NARS2: variants seen among roughly 807,000 people sequenced by gnomAD.
The protein encoded by NARS2 is asparaginyl-tRNA synthetase 2, mitochondrial.
In NARS2, 60 loss-of-function variants were observed where a neutral mutation model predicts 62.9. The observed-to-expected ratio is 0.95, with a 90% CI of 0.77 to 1.18. The LOEUF (loss-of-function observed/expected upper bound fraction) is 1.18. NARS2 is among the 50% of genes most tolerant of loss of function. The pLI, the probability that NARS2 is intolerant of heterozygous loss-of-function variation, is 0.00. For synonymous variants in NARS2, 196 were observed against 200.0 expected, an observed-to-expected ratio of 0.98 and a Z score of 0.17; for missense variants, 619 against 576.4, an observed-to-expected ratio of 1.07 and a Z score of -0.76.
At chr11:78,440,213 G>A (rs1206488079) in intron 13 of NARS2, among the ~76,000 whole-genome samples, 2 of 152,022 alleles carry the variant, frequency 1.3e-5, no homozygotes, top group African/African-American at 4.8e-5. Context: ...ACAGGCACAC[G>A]CCACCATGCC....
At chr11:78,526,359 T>A (rs1053178426) in intron 6 of NARS2, among the ~76,000 whole-genome samples, 2 of 152,168 alleles carry the variant, frequency 1.3e-5, no homozygotes, top group African/African-American at 4.8e-5. Context: ...ACTGTCTAAA[T>A]TTAACTACCA....
intron 2 of NARS2, among the ~76,000 whole-genome samples, chr11:78,569,949 G>A (rs567154669): frequency 2.0e-5 from 3 of 152,302 alleles, no homozygotes; most frequent in African/African-American, 7.2e-5. Flanking sequence ...AGCACCTTGG[G>A]AGGCTGAGGC....
chr11:78,559,548 A>T lies in NARS2; in HGVS notation c.585T>A (p.Phe195Leu). Reference protein sequence around the residue: ...SNDSEGAGELFQLEPSGKLKV... With the variant: ...SNDSEGAGELLQLEPSGKLKV... The stretch of plus-strand genomic sequence containing the variant: ...GGGAAGCAAAACTTACTTCAAGTTG[A>T]AAAAGTTCTCCAGCTCCCTCAGAGT... The change falls in exon 5 of 14, where the codon TTT becomes TTA. Residue 195 changes from phenylalanine to leucine, a missense_variant. Physicochemically the swap from Phe to Leu is conservative, Grantham distance 22. Coordinates refer to ENST00000281038, the MANE Select transcript of NARS2 (RefSeq NM_024678.6). 6.2e-7 allele frequency: 1 copy of T among 1,608,880 alleles called. No homozygotes were observed. Among genetic ancestry groups the T allele is most frequent in the Non-Finnish European group, 8.5e-7 (1 of 1,175,654 alleles).
rs149790424 is a variant in NARS2, at chr11:78,491,292, T to C, written c.822+1771A>G. 1.9e-3 allele frequency among the ~76,000 whole-genome samples: 290 copies of C among 152,312 alleles called. 1 individual carries two copies. The highest frequency in any genetic ancestry group is 6.7e-3 in the African/African-American group (279 of 41,584). ...CTCTCCCCCTTCCCTGCCCATTCCC[T>C]AATAGGGATAACCAAAAATGTCCCA... is the stretch of plus-strand genomic sequence containing the variant. On this transcript the variant is annotated intron_variant, in intron 7 of 13. Transcript: ENST00000281038.
intron 5 of NARS2, among the ~76,000 whole-genome samples, chr11:78,549,698 A>T (rs1045403096): frequency 1.3e-5 from 2 of 152,182 alleles, no homozygotes; most frequent in African/African-American, 4.8e-5. Context: ...ACAATAGCAC[A>T]ATCAGTCTGC....
chr11:78,545,542 T>G (rs1037557287), intron 5 of NARS2, among the ~76,000 whole-genome samples: 3 of 149,892 alleles, frequency 2.0e-5, no homozygotes, highest in Admixed American at 1.3e-4. Flanking sequence ...TTTTTTTTTT[T>G]GAGACAGAGT....
At chr11:78,446,825 A>G (rs563435481) in intron 11 of NARS2, among the ~76,000 whole-genome samples, 2 of 152,286 alleles carry the variant, frequency 1.3e-5, no homozygotes, top group African/African-American at 4.8e-5. Context: ...CAGACAACCA[A>G]TGCAAAACCA....
chr11:78,573,444 G>A (rs945474996), intron 1 of NARS2: 6 of 152,250 alleles, frequency 3.9e-5, no homozygotes, highest in African/African-American at 1.4e-4. Context: ...GCCGAGGCAG[G>A]AGGATTGCTT....
At chr11:78,523,532 T>G (rs1861200581) in intron 6 of NARS2, among the ~76,000 whole-genome samples, 1 of 152,198 alleles carries the variant, frequency 6.6e-6, no homozygotes, top group African/African-American at 2.4e-5. Context: ...ACAGCAACAT[T>G]ACTTACAAGA....
At chr11:78,505,478 C>G (rs115557344) in intron 6 of NARS2, among the ~76,000 whole-genome samples, 2,268 of 149,952 alleles carry the variant, frequency 0.015, 59 homozygotes, top group African/African-American at 0.053. Context: ...ACTGATTTTT[C>G]CCCCCAACTA....
chr11:78,516,388 T>C (rs1242000431), intron 6 of NARS2, among the ~76,000 whole-genome samples: 8 of 152,214 alleles, frequency 5.3e-5, no homozygotes. Flanking sequence ...ATGAATGACA[T>C]TTAAAAATGC....
chr11:78,468,315 A>G (rs1373685717), intron 10 of NARS2, among the ~76,000 whole-genome samples: 1 of 146,062 alleles, frequency 6.8e-6, no homozygotes, highest in Admixed American at 6.7e-5. Flanking sequence ...AATCTGAAAA[A>G]AAAAAAAAAA....
intron 6 of NARS2, among the ~76,000 whole-genome samples, chr11:78,499,267 A>G (rs1860192999): frequency 6.6e-6 from 1 of 152,118 alleles, no homozygotes; most frequent in Non-Finnish European, 1.5e-5. Flanking sequence ...TATTTGTCAA[A>G]TAAGTAATTC....
rs116331239 is a variant in NARS2 at position 78,548,778 on chromosome 11, C to T, written c.594+10761G>A. Among the ~76,000 whole-genome samples the T allele has an allele frequency of 1.1e-3, 166 of 152,058 alleles. 1 individual carries two copies. Among genetic ancestry groups the T allele is most frequent in the Middle Eastern group, 0.01 (3 of 294 alleles). ...CTCAGACCCATTCCTCAGTGAAATG[C>T]GTAAATGTTATTTAAAAAAAAATTT... On this transcript the variant is annotated intron_variant, in intron 5 of 13. Transcript: ENST00000281038.
intron 11 of NARS2, among the ~76,000 whole-genome samples, chr11:78,451,071 TC>T (rs1422485102): frequency 5.3e-5 from 8 of 152,204 alleles, no homozygotes; most frequent in African/African-American, 1.9e-4. Flanking sequence ...TTCTAATACT[TC>T]CTGTTTTTCT....
Position 78,493,153 on chromosome 11 carries a change from A to T in NARS2, c.732T>A (p.Ala244=). The change falls in exon 7 of 14, where the codon GCT becomes GCA. Residue 244 remains alanine (A), a synonymous_variant. Coordinates refer to ENST00000281038, the MANE Select transcript of NARS2 (RefSeq NM_024678.6). ...GGTGCCTCCGGCTCTGAGAATTTTC[A>T]GCTCGGAAGGTCGGACCAAAGGTAA... ...QVFTFGPTFR[A]ENSQSRRHLA... 1.9e-6 allele frequency: 3 copies of T among 1,613,972 alleles called. No homozygotes were observed. The highest frequency in any genetic ancestry group is 2.5e-6 in the Non-Finnish European group (3 of 1,179,892).
rs533617883 is a variant in NARS2, at chr11:78,498,188, G to A, written c.690-4993C>T. On this transcript the variant is annotated intron_variant, in intron 6 of 13. Coordinates refer to ENST00000281038, the MANE Select transcript of NARS2 (RefSeq NM_024678.6). ...GCCAGTAGCAGGATCAATGATAAGA[G>A]ATGGTGGAAAGGACCAGAACATGCA... Among the ~76,000 whole-genome samples the A allele has an allele frequency of 7.9e-5, 12 of 152,286 alleles. No individual in the cohort carries two copies. In the South Asian group the frequency reaches 1.4e-3, roughly 18 times the overall value.
chr11:78,538,109 G>A (rs116058050), intron 5 of NARS2, among the ~76,000 whole-genome samples: 1,641 of 152,218 alleles, frequency 0.011, 35 homozygotes, highest in African/African-American at 0.039. Flanking sequence ...TGCTCTATAT[G>A]CTACCAATCT....
chr11:78,514,760 C>T (rs1860842593), intron 6 of NARS2, among the ~76,000 whole-genome samples: 1 of 152,026 alleles, frequency 6.6e-6, no homozygotes, highest in South Asian at 2.1e-4. Context: ...GTAGAGAATC[C>T]AGTATTTAGA....
Sources: allele counts gnomAD v4.1 joint callset (sites outside exome capture counted in the v4.1 genomes callset), GRCh38; gene constraint gnomAD v4.1.1; transcripts MANE v1.5; gene names NCBI Gene and HGNC (gene_info 2026-07-23, HGNC 2026-07-21).